Variants in CHD9 observed in about 807,000 individuals in gnomAD.
CHD9 encodes chromodomain helicase DNA binding protein 9, also known as ATP-dependent chromatin remodeler CHD9.
CHD9 carries 77 observed loss-of-function variants against 316.1 expected under a neutral mutation model. The observed-to-expected ratio is 0.24, with a 90% CI of 0.20 to 0.29. The LOEUF is 0.29. CHD9 is among the 10% of genes least tolerant of loss of function. CHD9 has a pLI of 1.00. For missense variants in CHD9, 2,763 were observed against 3,438.1 expected (o/e 0.80, Z 4.91); for synonymous variants, 1,129 against 1,158.3 (o/e 0.97, Z 0.51).
chr16:53,243,887 T>A (rs1193950166), intron 13 of CHD9, among the ~76,000 whole-genome samples: 1 of 152,182 alleles, frequency 6.6e-6, no homozygotes, highest in Non-Finnish European at 1.5e-5. Flanking sequence ...ATAATTCAAA[T>A]ACAAAGAACC....
chr16:53,237,417 A>C (rs2048724698), intron 11 of CHD9, among the ~76,000 whole-genome samples: 1 of 152,114 alleles, frequency 6.6e-6, no homozygotes. Context: ...ATACAAACCT[A>C]ATCTTATTGG....
At chr16:53,098,796 C>G (rs1477273332) in intron 1 of CHD9, among the ~76,000 whole-genome samples, 2 of 152,200 alleles carry the variant, frequency 1.3e-5, no homozygotes, top group African/African-American at 4.8e-5. Flanking sequence ...GTGTAACAAG[C>G]CCTTAACCCC....
chr16:53,244,421 G>A (rs766216828), intron 13 of CHD9, among the ~76,000 whole-genome samples: 3 of 151,894 alleles, frequency 2.0e-5, no homozygotes, highest in African/African-American at 7.3e-5. Context: ...CTTGATCTCC[G>A]ACCTCGTGAT....
At chr16:53,096,797 T>C (rs561322038) in intron 1 of CHD9, among the ~76,000 whole-genome samples, 10 of 152,318 alleles carry the variant, frequency 6.6e-5, no homozygotes, top group African/African-American at 2.4e-4. Flanking sequence ...TCCTATCTGG[T>C]GACAGCCTTC....
chr16:53,133,538 G>C (rs1249398440), intron 1 of CHD9, among the ~76,000 whole-genome samples: 1 of 152,144 alleles, frequency 6.6e-6, no homozygotes, highest in African/African-American at 2.4e-5. Flanking sequence ...TCACTTAACT[G>C]TGTAGATAAT....
rs1259292285 is a variant in CHD9, at chr16:53,055,097, G to A, written c.-165+20G>A. ...GCCAAGGTAGGATTCCTGAGCCCCG[G>A]GCGTCTCCCTGGAGCCTCTGAGGTC... On this transcript the variant is annotated intron_variant, in intron 1 of 38. Transcript: ENST00000447540. The A allele has an allele frequency of 2.0e-5, 3 of 152,358 alleles. No homozygotes were observed. Among genetic ancestry groups the A allele is most frequent in the African/African-American group, 7.2e-5 (3 of 41,470 alleles). The allele number at this position is 152,358 out of a possible 1,614,324, so 9.4% of individuals were successfully genotyped here. A position where few individuals can be genotyped will look rare whatever the true frequency, so the allele number is the denominator to read the frequency against.
chr16:53,278,150 G>A (rs142651177), intron 24 of CHD9, among the ~76,000 whole-genome samples: 79 of 152,246 alleles, frequency 5.2e-4, no homozygotes, highest in African/African-American at 1.9e-3. Flanking sequence ...TCATGGGTGG[G>A]TAGAATCAAT....
At chr16:53,089,201 A>C (rs1036083650) in intron 1 of CHD9, among the ~76,000 whole-genome samples, 16 of 151,530 alleles carry the variant, frequency 1.1e-4, no homozygotes, top group Non-Finnish European at 2.2e-4. Context: ...CAGGTGGATC[A>C]CTTGAGCCCG....
intron 10 of CHD9, among the ~76,000 whole-genome samples, chr16:53,232,135 A>G (rs1017863366): frequency 7.9e-5 from 12 of 152,174 alleles, no homozygotes; most frequent in Non-Finnish European, 1.3e-4. Context: ...TTTATTTTCC[A>G]GTAATGTCCG....
intron 18 of CHD9, among the ~76,000 whole-genome samples, chr16:53,255,108 T>A (rs2050477880): frequency 1.3e-5 from 2 of 152,010 alleles, no homozygotes; most frequent in Admixed American, 1.3e-4. Context: ...CCTAGGAGTT[T>A]GAGACAAGCC....
At chr16:53,322,919 T>A (rs1004414176) in intron 38 of CHD9, among the ~76,000 whole-genome samples, 4 of 152,360 alleles carry the variant, frequency 2.6e-5, no homozygotes, top group East Asian at 1.9e-4. Context: ...ATGATTTTTT[T>A]AATATTTTTT....
At chr16:53,152,724 A>T (rs552778465) in intron 1 of CHD9, among the ~76,000 whole-genome samples, 108 of 152,322 alleles carry the variant, frequency 7.1e-4, no homozygotes, top group African/African-American at 2.5e-3. Context: ...AGTGTCCAAG[A>T]TGAGAAGTCA....
At chr16:53,075,380 A>G (rs1044340416) in intron 1 of CHD9, among the ~76,000 whole-genome samples, 2 of 152,224 alleles carry the variant, frequency 1.3e-5, no homozygotes, top group East Asian at 3.9e-4. Flanking sequence ...ACTATTGGGA[A>G]GGCAAGATTG....
At position 53,307,883 on chromosome 16, in the gene CHD9, A is replaced by G. The variant is rs897212193; in HGVS notation, c.6983A>G (p.Asp2328Gly). 1 of 1,613,678 alleles carries G rather than the reference A, an allele frequency of 6.2e-7. No homozygotes were observed. Among genetic ancestry groups the G allele is most frequent in the Non-Finnish European group, 8.5e-7 (1 of 1,179,838 alleles). ...PPGAGVKEEH[D>G]QSTQMSKVKK... Reference sequence around the variant, plus strand: ...GGTGCCGGTGTTAAAGAAGAACATGATCAGTCAACACAGATGTCAAAGGTG... The same window carrying G: ...GGTGCCGGTGTTAAAGAAGAACATGGTCAGTCAACACAGATGTCAAAGGTG... The change falls in exon 33 of 39, where the codon GAT becomes GGT. Residue 2328 changes from aspartate to glycine, a missense_variant. Transcript: ENST00000447540.
At chr16:53,287,082 C>G (rs182706956) in intron 26 of CHD9, among the ~76,000 whole-genome samples, 24 of 152,224 alleles carry the variant, frequency 1.6e-4, no homozygotes, top group African/African-American at 5.5e-4. Context: ...ACTTAGTCTC[C>G]TGAGTATCTG....
intron 2 of CHD9, among the ~76,000 whole-genome samples, chr16:53,201,351 C>A (rs1358937145): frequency 6.6e-6 from 1 of 152,060 alleles, no homozygotes; most frequent in Admixed American, 6.6e-5. Flanking sequence ...TTTTTCTAAG[C>A]CAAAATATTT....
chr16:53,202,482 G>GT (rs540800204), intron 2 of CHD9, among the ~76,000 whole-genome samples: 72 of 149,152 alleles, frequency 4.8e-4, no homozygotes, highest in African/African-American at 1.7e-3. Flanking sequence ...GTTTCTTACA[G>GT]TTTCTTTGTT....
chr16:53,098,440 C>T (rs1052323070), intron 1 of CHD9, among the ~76,000 whole-genome samples: 6 of 148,798 alleles, frequency 4.0e-5, no homozygotes, highest in Non-Finnish European at 1.5e-5. Context: ...GGCTCTGCCC[C>T]ACTCCAGCCT....
chr16:53,296,363 A>T (rs1317695824), intron 29 of CHD9, among the ~76,000 whole-genome samples: 1 of 151,758 alleles, frequency 6.6e-6, no homozygotes, highest in African/African-American at 2.4e-5. Context: ...AATAGTGTAT[A>T]CTTTTAAAAG....
Sources: gnomAD v4.1 joint callset for allele counts (sites outside exome capture counted in the v4.1 genomes callset) on GRCh38, gnomAD v4.1.1 for gene constraint, MANE v1.5 for transcripts, NCBI Gene and HGNC (gene_info 2026-07-23, HGNC 2026-07-21) for gene names.